Variants in UBE2E2 observed in about 807,000 individuals in gnomAD.
The protein encoded by UBE2E2 is ubiquitin-conjugating enzyme E2 E2.
A neutral mutation model predicts 24.7 loss-of-function variants in UBE2E2; 6 were observed. The observed-to-expected ratio is 0.24, with a 90% CI of 0.13 to 0.48. UBE2E2 has a LOEUF of 0.48. Ranked by LOEUF, UBE2E2 falls within the 20% of genes least tolerant of loss-of-function variation. The pLI, the probability that UBE2E2 is intolerant of heterozygous loss-of-function variation, is 0.99. For synonymous variants in UBE2E2, 104 were observed against 83.6 expected, an observed-to-expected ratio of 1.24 and a Z score of -1.33; for missense variants, 169 against 245.0, an observed-to-expected ratio of 0.69 and a Z score of 2.07.
At chr3:23,412,632 GATT>G (rs1697519212) in intron 3 of UBE2E2, among the ~76,000 whole-genome samples, 2 of 152,136 alleles carry the variant, frequency 1.3e-5, no homozygotes, top group African/African-American at 4.8e-5. Flanking sequence ...TTGGACACCT[GATT>G]ATTATTACCT....
intron 5 of UBE2E2, among the ~76,000 whole-genome samples, chr3:23,575,952 A>C (rs556255999): frequency 3.3e-5 from 5 of 152,316 alleles, no homozygotes; most frequent in Admixed American, 3.3e-4. Flanking sequence ...AAACACAGCT[A>C]CGGTACATTG....
chr3:23,388,109 A>G (rs183700423), intron 3 of UBE2E2, among the ~76,000 whole-genome samples: 1 of 152,204 alleles, frequency 6.6e-6, no homozygotes, highest in African/African-American at 2.4e-5. Context: ...AAGAAAAATT[A>G]CCAAACCTTT....
intron 3 of UBE2E2, among the ~76,000 whole-genome samples, chr3:23,303,881 C>T (rs573380250): frequency 2.3e-4 from 35 of 152,186 alleles, no homozygotes; most frequent in African/African-American, 6.7e-4. Flanking sequence ...GGAATTATAC[C>T]GTTAACCCTG....
At chr3:23,444,257 A>G (rs1369569856) in intron 3 of UBE2E2, among the ~76,000 whole-genome samples, 2 of 152,008 alleles carry the variant, frequency 1.3e-5, no homozygotes, top group African/African-American at 4.8e-5. Flanking sequence ...AGTTCTGGAC[A>G]TATTTCTTCT....
rs570572686 is a variant in UBE2E2 at position 23,536,549 on chromosome 3, T to C, written c.508+3848T>C. The stretch of plus-strand genomic sequence containing the variant: ...TTCCCCCAAATATGTATGACTCTTA[T>C]GAGACAGTCAGAAAGTTGACAATGA... On this transcript the variant is annotated intron_variant, in intron 5 of 5. Transcript: ENST00000396703. Among the ~76,000 whole-genome samples the C allele has an allele frequency of 9.8e-5, 15 of 152,356 alleles. No individual in the cohort carries two copies. In the South Asian group the frequency reaches 2.9e-3, roughly 29 times the overall value.
intron 3 of UBE2E2, among the ~76,000 whole-genome samples, chr3:23,366,997 G>C (rs1696275516): frequency 6.6e-6 from 1 of 152,054 alleles, no homozygotes; most frequent in Admixed American, 6.6e-5. Context: ...GCTTCTATCA[G>C]TTTTTCTAAG....
intron 5 of UBE2E2, among the ~76,000 whole-genome samples, chr3:23,551,808 G>C (rs2125499086): frequency 6.6e-6 from 1 of 152,238 alleles, no homozygotes; most frequent in South Asian, 2.1e-4. Context: ...CTCGTATAAG[G>C]GTGTGTGCTA....
intron 5 of UBE2E2, among the ~76,000 whole-genome samples, chr3:23,575,050 G>A (rs538822392): frequency 6.6e-6 from 1 of 152,172 alleles, no homozygotes; most frequent in Non-Finnish European, 1.5e-5. Flanking sequence ...ACTTGCAGTG[G>A]ATAACATTAA....
At chr3:23,463,898 A>C (rs1698866791) in intron 3 of UBE2E2, among the ~76,000 whole-genome samples, 4 of 152,180 alleles carry the variant, frequency 2.6e-5, no homozygotes, top group African/African-American at 7.2e-5. Flanking sequence ...AATGCCAGTC[A>C]TTTTCATTAA....
intron 5 of UBE2E2, among the ~76,000 whole-genome samples, chr3:23,572,745 A>G (rs994618537): frequency 2.6e-5 from 4 of 152,240 alleles, no homozygotes; most frequent in African/African-American, 4.8e-5. Context: ...ATGCTATCCC[A>G]TGCTGTATAT....
intron 3 of UBE2E2, among the ~76,000 whole-genome samples, chr3:23,479,941 G>C (rs1237078450): frequency 6.6e-6 from 1 of 152,174 alleles, no homozygotes; most frequent in Non-Finnish European, 1.5e-5. Context: ...TGGCCAGGTG[G>C]TCATCAATGA....
At chr3:23,334,250 C>G (rs1695145246) in intron 3 of UBE2E2, among the ~76,000 whole-genome samples, 1 of 151,874 alleles carries the variant, frequency 6.6e-6, no homozygotes, top group Non-Finnish European at 1.5e-5. Context: ...TAAAGGTTTC[C>G]TCATCTACTT....
intron 3 of UBE2E2, among the ~76,000 whole-genome samples, chr3:23,469,692 T>G (rs535473333): frequency 6.6e-6 from 1 of 152,356 alleles, no homozygotes; most frequent in South Asian, 2.1e-4. Flanking sequence ...GTTTGACTTC[T>G]CCTTAATATT....
intron 3 of UBE2E2, chr3:23,389,737 G>T: frequency 5.2e-6 from 1 of 190,846 alleles, no homozygotes; most frequent in South Asian, 1.4e-4. Context: ...ATCCACTAGA[G>T]GGGTTTTCTG....
At chr3:23,486,893 T>C (rs996993875) in intron 3 of UBE2E2, among the ~76,000 whole-genome samples, 1 of 152,184 alleles carries the variant, frequency 6.6e-6, no homozygotes, top group African/African-American at 2.4e-5. Flanking sequence ...CCACCTTGGA[T>C]TGGCAGCCCA....
intron 3 of UBE2E2, among the ~76,000 whole-genome samples, chr3:23,294,512 G>T (rs1698854280): frequency 6.6e-6 from 1 of 151,294 alleles, no homozygotes. Flanking sequence ...CATTTATCTT[G>T]ATCATCTATG....
intron 3 of UBE2E2, among the ~76,000 whole-genome samples, chr3:23,401,248 A>G (rs1697214131): frequency 6.6e-6 from 1 of 152,224 alleles, no homozygotes; most frequent in African/African-American, 2.4e-5. Context: ...AGGTAAGTCT[A>G]GAGAAATGAG....
At chr3:23,400,631 C>CACACA (rs1258797773) in intron 3 of UBE2E2, among the ~76,000 whole-genome samples, 1 of 151,576 alleles carries the variant, frequency 6.6e-6, no homozygotes, top group African/African-American at 2.4e-5. Context: ...CACACACACA[C>CACACA]ACACACACAC....
At chr3:23,330,412 A>G (rs890196753) in intron 3 of UBE2E2, among the ~76,000 whole-genome samples, 1 of 152,240 alleles carries the variant, frequency 6.6e-6, no homozygotes, top group Non-Finnish European at 1.5e-5. Context: ...AACTTAGTCT[A>G]CGTTGCTGGC....
Sources: gnomAD v4.1 joint callset for allele counts (sites outside exome capture counted in the v4.1 genomes callset) on GRCh38, gnomAD v4.1.1 for gene constraint, MANE v1.5 for transcripts, NCBI Gene and HGNC (gene_info 2026-07-23, HGNC 2026-07-21) for gene names.